The following KCNQ3 variants were observed in gnomAD, a reference collection of about 807,000 sequenced individuals.
KCNQ3 encodes the protein potassium voltage-gated channel subfamily Q member 3.
KCNQ3 carries 30 observed loss-of-function variants against 92.5 expected under a neutral mutation model. The ratio of observed to expected loss-of-function variants is 0.32; its 90% CI spans 0.24 to 0.44. KCNQ3 has a LOEUF of 0.44. Among genes scored for constraint, KCNQ3 ranks in the 20% least tolerant of loss-of-function variants. The pLI is 1.00. For synonymous variants in KCNQ3, 450 were observed against 468.8 expected (o/e 0.96, Z 0.52); for missense variants, 913 against 1,140.3 (o/e 0.80, Z 2.87).
chr8:132,380,459 C>T (rs1236934350), intron 1 of KCNQ3, among the ~76,000 whole-genome samples: 1 of 152,178 alleles, frequency 6.6e-6, no homozygotes, highest in Non-Finnish European at 1.5e-5. Context: ...TGAAGAAGTG[C>T]TAATTATCAT....
chr8:132,405,756 C>T (rs1820459693), intron 1 of KCNQ3, among the ~76,000 whole-genome samples: 1 of 152,186 alleles, frequency 6.6e-6, no homozygotes, highest in Non-Finnish European at 1.5e-5. Flanking sequence ...TTTCTTCATG[C>T]AGTAAACACT....
intron 1 of KCNQ3, among the ~76,000 whole-genome samples, chr8:132,235,483 A>C (rs1814783299): frequency 6.6e-6 from 1 of 152,214 alleles, no homozygotes; most frequent in Non-Finnish European, 1.5e-5. Context: ...CCTGGGCGAC[A>C]GAGTGAGACG....
intron 1 of KCNQ3, among the ~76,000 whole-genome samples, chr8:132,267,303 T>A (rs1816014773): frequency 6.6e-6 from 1 of 152,174 alleles, no homozygotes. Context: ...TTCCTCCTGA[T>A]TCCCATTGCC....
chr8:132,316,519 G>T (rs1431582258), intron 1 of KCNQ3, among the ~76,000 whole-genome samples: 1 of 152,190 alleles, frequency 6.6e-6, no homozygotes, highest in African/African-American at 2.4e-5. Flanking sequence ...CCACTGTGTG[G>T]CTCAGTTTGT....
intron 1 of KCNQ3, among the ~76,000 whole-genome samples, chr8:132,303,851 T>A (rs1356659800): frequency 6.7e-6 from 1 of 150,268 alleles, no homozygotes; most frequent in Non-Finnish European, 1.5e-5. Flanking sequence ...AAATATTATA[T>A]GTGTATATAT....
intron 1 of KCNQ3, among the ~76,000 whole-genome samples, chr8:132,271,087 C>A (rs1332426643): frequency 3.9e-5 from 6 of 152,218 alleles, no homozygotes; most frequent in Non-Finnish European, 8.8e-5. Flanking sequence ...CTTCTAGGCA[C>A]TGCAGATACA....
chr8:132,418,873 A>T (rs1820890860), intron 1 of KCNQ3, among the ~76,000 whole-genome samples: 1 of 152,256 alleles, frequency 6.6e-6, no homozygotes, highest in Non-Finnish European at 1.5e-5. Flanking sequence ...GAGAAAGGTG[A>T]GGAAAAGCAG....
intron 1 of KCNQ3, among the ~76,000 whole-genome samples, chr8:132,261,628 A>C (rs1049388032): frequency 6.6e-6 from 1 of 152,220 alleles, no homozygotes; most frequent in African/African-American, 2.4e-5. Flanking sequence ...TGGCAGGAGC[A>C]GACGTGACTG....
rs886062682 is a variant in KCNQ3 at position 132,128,501 on chromosome 8, T to TTGTGTGTGTGTGTG, written c.*760_*761insCACACACACACACA. ...ACATAAATTGGAAACTATTTTAACT[T>TTGTGTGTGTGTGTG]TGTGTATGTGTGTGTGTGTGTGTGT... On this transcript the variant is annotated 3_prime_UTR_variant, in exon 15 of 15. Transcript: ENST00000388996. 2.8e-4 allele frequency: 33 copies of TTGTGTGTGTGTGTG among 116,934 alleles called. No individual in the cohort carries two copies. Among genetic ancestry groups the TTGTGTGTGTGTGTG allele is most frequent in the African/African-American group, 9.5e-4 (30 of 31,710 alleles). 7.2% of individuals were successfully genotyped at this position (116,934 alleles called of 1,614,324 possible).
At chr8:132,337,929 T>C (rs1417009321) in intron 1 of KCNQ3, among the ~76,000 whole-genome samples, 3 of 152,226 alleles carry the variant, frequency 2.0e-5, no homozygotes, top group Non-Finnish European at 2.9e-5. Flanking sequence ...ATGCACATGA[T>C]ATTCTTATCA....
At chr8:132,410,310 T>A (rs1820614946) in intron 1 of KCNQ3, among the ~76,000 whole-genome samples, 1 of 152,180 alleles carries the variant, frequency 6.6e-6, no homozygotes, top group Non-Finnish European at 1.5e-5. Context: ...ACTGAAGATT[T>A]TCCTAAAGGG....
intron 6 of KCNQ3, among the ~76,000 whole-genome samples, chr8:132,173,585 G>C (rs753547837): frequency 6.6e-6 from 1 of 152,110 alleles, no homozygotes; most frequent in Non-Finnish European, 1.5e-5. Flanking sequence ...TTGAAAAATT[G>C]AGATAAAAAC....
At chr8:132,401,934 C>A (rs1820345322) in intron 1 of KCNQ3, among the ~76,000 whole-genome samples, 1 of 149,758 alleles carries the variant, frequency 6.7e-6, no homozygotes, top group Non-Finnish European at 1.5e-5. Context: ...ACTATTGGGA[C>A]ACTGAACACT....
chr8:132,292,813 G>T (rs1403296635), intron 1 of KCNQ3, among the ~76,000 whole-genome samples: 1 of 152,072 alleles, frequency 6.6e-6, no homozygotes, highest in Non-Finnish European at 1.5e-5. Flanking sequence ...TCTTTCACCT[G>T]CCCAGTGCCA....
intron 1 of KCNQ3, among the ~76,000 whole-genome samples, chr8:132,208,036 T>C (rs552455781): frequency 1.2e-3 from 184 of 152,216 alleles, no homozygotes; most frequent in Non-Finnish European, 2.1e-3. Flanking sequence ...CTGATTGTTG[T>C]AGACATTTCC....
intron 1 of KCNQ3, among the ~76,000 whole-genome samples, chr8:132,465,265 A>C (rs1296257286): frequency 6.6e-6 from 1 of 152,226 alleles, no homozygotes; most frequent in East Asian, 1.9e-4. Context: ...CTCACATTAT[A>C]AATTAGTTAA....
intron 1 of KCNQ3, among the ~76,000 whole-genome samples, chr8:132,477,021 G>A (rs1198063088): frequency 1.3e-5 from 2 of 152,044 alleles, no homozygotes; most frequent in African/African-American, 4.8e-5. Context: ...TAAGTGTGTG[G>A]CTCTTCCCCT....
At position 132,479,949 on chromosome 8, in the gene KCNQ3, A is replaced by AACACAC. The variant is rs371967111; in HGVS notation, c.386+192_386+197dup. ...TAGTGTGGAACACCCGGAGAGCGGC[A>AACACAC]ACACACACACACACACACACACACA... On this transcript the variant is annotated intron_variant, in intron 1 of 14. Transcript: ENST00000388996. 0.059 allele frequency among the ~76,000 whole-genome samples: 8,115 copies of AACACAC among 137,068 alleles called. 267 individuals carry two copies. The highest frequency in any genetic ancestry group is 0.11 in the Middle Eastern group (27 of 252). The allele number at this position is 137,068 out of a possible 152,430, so 89.9% of individuals were successfully genotyped here. A position where few individuals can be genotyped will look rare whatever the true frequency, so the allele number is the denominator to read the frequency against.
chr8:132,360,064 T>A (rs73708405), intron 1 of KCNQ3, among the ~76,000 whole-genome samples: 1 of 152,158 alleles, frequency 6.6e-6, no homozygotes, highest in African/African-American at 2.4e-5. Flanking sequence ...CTATCCAATA[T>A]GGCCTCAGAT....
Sources: gnomAD v4.1 joint callset for allele counts (sites outside exome capture counted in the v4.1 genomes callset) on GRCh38, gnomAD v4.1.1 for gene constraint, MANE v1.5 for transcripts, NCBI Gene and HGNC (gene_info 2026-07-23, HGNC 2026-07-21) for gene names.